Variants in TJP1 observed in about 807,000 individuals in gnomAD.
TJP1 encodes the protein tight junction protein ZO-1.
Under a neutral mutation model 194.2 loss-of-function variants are expected in TJP1, and 43 were observed. That is an observed-to-expected ratio of 0.22 (90% CI 0.17 to 0.29). The LOEUF (loss-of-function observed/expected upper bound fraction) is 0.29. Ranked by LOEUF, TJP1 falls within the 10% of genes least tolerant of loss-of-function variation. The pLI, the probability that TJP1 is intolerant of heterozygous loss-of-function variation, is 1.00. For synonymous variants in TJP1, 801 were observed against 779.0 expected, an observed-to-expected ratio of 1.03 and a Z score of -0.47; for missense variants, 1,971 against 2,185.7, an observed-to-expected ratio of 0.90 and a Z score of 1.96.
At chr15:29,968,110 G>C (rs1013445740) in intron 1 of TJP1, 1 of 985,332 alleles carries the variant, frequency 1.0e-6, no homozygotes, top group African/African-American at 1.7e-5. Flanking sequence ...CTCAGTAACA[G>C]TTTCCAGGTC....
intron 2 of TJP1, among the ~76,000 whole-genome samples, chr15:29,830,637 A>T (rs1026266805): frequency 1.3e-5 from 2 of 151,898 alleles, no homozygotes; most frequent in East Asian, 2.0e-4. Flanking sequence ...AAATAAAAAA[A>T]GTTAAGATTT....
chr15:29,769,927 T>G (rs532188064), intron 4 of TJP1, among the ~76,000 whole-genome samples: 53 of 152,212 alleles, frequency 3.5e-4, no homozygotes, highest in African/African-American at 1.3e-3. Context: ...ACATGTTAAC[T>G]GAGAAAACAG....
intron 19 of TJP1, 74 bp from the exon 20 acceptor site, chr15:29,720,090 T>C (rs764539276): frequency 7.3e-6 from 11 of 1,505,278 alleles, no homozygotes; most frequent in Non-Finnish European, 8.9e-6. Flanking sequence ...TTTATAGTGA[T>C]TGGTAGACAT....
intron 2 of TJP1, among the ~76,000 whole-genome samples, chr15:29,943,457 G>A (rs764807261): frequency 3.3e-5 from 5 of 151,658 alleles, no homozygotes; most frequent in Non-Finnish European, 5.9e-5. Context: ...GTGAAACCTC[G>A]TCTCTACTGA....
intron 1 of TJP1, among the ~76,000 whole-genome samples, chr15:29,968,509 T>TGCGCCCCGCGCGGC (rs1236225137): frequency 6.7e-6 from 1 of 150,066 alleles, no homozygotes; most frequent in African/African-American, 2.4e-5. Flanking sequence ...CCTTGGCTGC[T>TGCGCCCCGCGCGGC]GCGCCCCGCG....
intron 8 of TJP1, among the ~76,000 whole-genome samples, chr15:29,751,521 G>A (rs899860953): frequency 5.3e-5 from 8 of 152,222 alleles, no homozygotes; most frequent in Non-Finnish European, 8.8e-5. Context: ...TGGTTCAAAA[G>A]TAATTTTCAT....
rs577024023 is a variant in TJP1 at position 29,928,880 on chromosome 15, T to C, written c.306+27352A>G. ...TGGCGTGAACCCAGGAGGCGGAGCT[T>C]GCAGTGAGCCGAGATCTCGCCATTG... On this transcript the variant is annotated intron_variant, in intron 2 of 28. Transcript: ENST00000356107. 5.3e-4 allele frequency among the ~76,000 whole-genome samples: 80 copies of C among 151,920 alleles called. No homozygotes were observed. In the South Asian group the frequency reaches 0.016, roughly 31 times the overall value.
chr15:29,703,673 CG>C (rs1266854417), intron 27 of TJP1, among the ~76,000 whole-genome samples: 1 of 151,910 alleles, frequency 6.6e-6, no homozygotes, highest in African/African-American at 2.4e-5. Context: ...GAGACGGTCT[CG>C]CTCTGTTGCC....
intron 2 of TJP1, among the ~76,000 whole-genome samples, chr15:29,916,770 T>C (rs2054200485): frequency 6.6e-6 from 1 of 152,238 alleles, no homozygotes; most frequent in Non-Finnish European, 1.5e-5. Context: ...TATATGTTCA[T>C]CATAAATTAG....
intron 2 of TJP1, among the ~76,000 whole-genome samples, chr15:29,950,084 A>ACC (rs1567227668): frequency 2.1e-4 from 2 of 9,724 alleles, no homozygotes; most frequent in African/African-American, 1.9e-3. Flanking sequence ...CACCACCACC[A>ACC]TCTTCACCAC....
intron 1 of TJP1, among the ~76,000 whole-genome samples, chr15:29,958,748 ATT>A (rs1314671106): frequency 2.1e-5 from 3 of 140,674 alleles, no homozygotes; most frequent in African/African-American, 8.0e-5. Context: ...AAGAAGTGGC[ATT>A]AGCACGTCTT....
intron 23 of TJP1, among the ~76,000 whole-genome samples, chr15:29,712,735 A>G (rs2042315084): frequency 6.6e-6 from 1 of 152,116 alleles, no homozygotes; most frequent in Admixed American, 6.5e-5. Context: ...GTGAGCAAAG[A>G]AATTTATCAA....
intron 2 of TJP1, among the ~76,000 whole-genome samples, chr15:29,843,967 CAG>C (rs1225177569): frequency 3.3e-5 from 5 of 152,152 alleles, no homozygotes; most frequent in Admixed American, 2.0e-4. Flanking sequence ...TGGGCTGAAG[CAG>C]AGTGAGAATT....
chr15:29,753,824 A>T (rs80146873), intron 8 of TJP1, among the ~76,000 whole-genome samples: 1 of 149,826 alleles, frequency 6.7e-6, no homozygotes, highest in Non-Finnish European at 1.5e-5. Flanking sequence ...GGGAAACAGA[A>T]AAAAAAAAAA....
At chr15:29,778,380 C>T (rs368964331) in intron 2 of TJP1, among the ~76,000 whole-genome samples, 2 of 151,812 alleles carry the variant, frequency 1.3e-5, no homozygotes, top group Admixed American at 6.6e-5. Flanking sequence ...CAGCCAGGAA[C>T]GAGAGCTGCA....
At chr15:29,729,809 C>T (rs926363710) in intron 15 of TJP1, among the ~76,000 whole-genome samples, 4 of 140,984 alleles carry the variant, frequency 2.8e-5, no homozygotes, top group Non-Finnish European at 6.1e-5. Flanking sequence ...GGCGACAGAG[C>T]GAGACTCTGT....
In TJP1 at chr15:29,834,502, G is replaced by A. The variant is rs2050961590; in HGVS notation, c.307-33800C>T. Among the ~76,000 whole-genome samples the A allele has an allele frequency of 2.0e-5, 3 of 152,364 alleles. No individual in the cohort carries two copies. The South Asian group carries it at 6.2e-4, about 32-fold the overall frequency. Reference sequence around the variant, plus strand: ...CAGAGTGCTGGGATTACAGGCATGAGCCACCGCACAGCCGGCCTGAGATGT... The same window carrying A: ...CAGAGTGCTGGGATTACAGGCATGAACCACCGCACAGCCGGCCTGAGATGT... On this transcript the variant is annotated intron_variant, in intron 2 of 28. Coordinates refer to the TJP1 transcript ENST00000356107.
chr15:29,781,614 A>G (rs2047374936), intron 2 of TJP1, among the ~76,000 whole-genome samples: 1 of 152,224 alleles, frequency 6.6e-6, no homozygotes, highest in African/African-American at 2.4e-5. Context: ...AAGCTAATCC[A>G]CCACAATCAA....
In TJP1 at chr15:29,776,387, T is replaced by C. The variant is rs1241640873; in HGVS notation, c.85-3030A>G. Among the ~76,000 whole-genome samples the C allele has an allele frequency of 4.6e-5, 7 of 152,360 alleles. No individual in the cohort carries two copies. The East Asian group carries it at 1.2e-3, about 25-fold the overall frequency. On this transcript the variant is annotated intron_variant, in intron 2 of 27. Transcript: ENST00000614355. ...CACTGTAACAAACCCTGTAAGTATG[T>C]TGCTTTTTGTTAAAGTACACAAAGA...
Sources: allele counts gnomAD v4.1 joint callset (sites outside exome capture counted in the v4.1 genomes callset), GRCh38; gene constraint gnomAD v4.1.1; transcripts MANE v1.5; gene names NCBI Gene and HGNC (gene_info 2026-07-23, HGNC 2026-07-21).